Variants in NF2 observed in about 807,000 individuals in gnomAD.
NF2 encodes the protein NF2, moesin-ezrin-radixin like (MERLIN) tumor suppressor.
In NF2, 8 loss-of-function variants were observed where a neutral mutation model predicts 83.7. That is an observed-to-expected ratio of 0.10 (90% CI 0.06 to 0.17). The LOEUF is 0.17. NF2 is among the 10% of genes least tolerant of loss of function. NF2 has a pLI of 1.00. For missense variants in NF2, 533 were observed against 744.4 expected (o/e 0.72, Z 3.31); for synonymous variants, 266 against 269.6 (o/e 0.99, Z 0.13).
chr22:29,650,874 A>G lies in NF2; in HGVS notation c.448-3783A>G, dbSNP rs531471639. 1.4e-4 allele frequency among the ~76,000 whole-genome samples: 22 copies of G among 152,304 alleles called. No homozygotes were observed. The South Asian group carries it at 1.9e-3, about 13-fold the overall frequency. On this transcript the variant is annotated intron_variant, in intron 4 of 15. Coordinates refer to ENST00000338641, the MANE Select transcript of NF2 (RefSeq NM_000268.4). ...CGCCTCGGCCTCTCAAAGTGCTGGG[A>G]TTACAGGCATGAGCCACTGCACCCA... is the stretch of plus-strand genomic sequence containing the variant.
intron 15 of NF2, among the ~76,000 whole-genome samples, chr22:29,689,726 A>G (rs1477645665): frequency 2.6e-5 from 4 of 152,100 alleles, no homozygotes; most frequent in African/African-American, 9.7e-5. Flanking sequence ...GCTTAATTGT[A>G]CAGCTTCCTT....
intron 8 of NF2, among the ~76,000 whole-genome samples, chr22:29,661,895 G>A (rs1284647636): frequency 1.3e-5 from 2 of 152,100 alleles, no homozygotes; most frequent in African/African-American, 4.8e-5. Context: ...ACATATATGT[G>A]TTTTGTGTGT....
chr22:29,624,882 CTT>C (rs1314992909), intron 1 of NF2, among the ~76,000 whole-genome samples: 1 of 145,646 alleles, frequency 6.9e-6, no homozygotes, highest in Admixed American at 7.0e-5. Context: ...TTTCTCTCCT[CTT>C]TCTGTCTCTC....
chr22:29,635,070 G>T (rs774650362), intron 1 of NF2, among the ~76,000 whole-genome samples: 8 of 152,142 alleles, frequency 5.3e-5, no homozygotes, highest in Non-Finnish European at 1.0e-4. Flanking sequence ...ATGCATCTCA[G>T]CTACTTGTCT....
In NF2 at chr22:29,694,207, A is replaced by C. The variant is rs2067482761; in HGVS notation, c.1738-545A>C. ...CCTTCTCAGCTGCCACGTCATGAGC[A>C]AGTTTGCTTCGGGACCACCTGGGAA... is the stretch of plus-strand genomic sequence containing the variant. On this transcript the variant is annotated intron_variant, in intron 15 of 15. Coordinates refer to ENST00000338641, the MANE Select transcript of NF2 (RefSeq NM_000268.4). This position sits in a 1 kb window ranked among gnomAD's most constrained non-coding sequence, Gnocchi z 4.1. Among the ~76,000 whole-genome samples, 2 of 152,220 alleles carry C rather than the reference A, an allele frequency of 1.3e-5. No homozygotes were observed. Among genetic ancestry groups the C allele is most frequent in the Admixed American group, 1.3e-4 (2 of 15,288 alleles).
chr22:29,627,646 C>T (rs1349237509), intron 1 of NF2, among the ~76,000 whole-genome samples: 4 of 152,074 alleles, frequency 2.6e-5, no homozygotes, highest in Admixed American at 6.5e-5. Flanking sequence ...GGGTTCCTCC[C>T]GCTCCCATAA....
chr22:29,658,032 C>A (rs1283926920), intron 6 of NF2, among the ~76,000 whole-genome samples, 157 bp from the exon 7 acceptor site: 1 of 152,094 alleles, frequency 6.6e-6, no homozygotes, highest in African/African-American at 2.4e-5. Context: ...AGACTCAGGG[C>A]CGGGCAGAGC....
intron 1 of NF2, among the ~76,000 whole-genome samples, chr22:29,605,362 A>G (rs1023673763): frequency 2.0e-5 from 3 of 151,932 alleles, no homozygotes; most frequent in Admixed American, 2.0e-4. Context: ...ACAGGGTTTC[A>G]CCATATTGGG....
rs1354507562 is a variant in NF2 at position 29,696,106 on chromosome 22, C to G, written c.*1304C>G. The G allele has an allele frequency of 4.9e-6, 1 of 203,958 alleles. No homozygotes were observed. The highest frequency in any genetic ancestry group is 9.4e-6 in the Non-Finnish European group (1 of 106,070). The allele number at this position is 203,958 out of a possible 1,614,324, so 12.6% of individuals were successfully genotyped here. The stretch of plus-strand genomic sequence containing the variant: ...TTTTTTTTTCCGAGATGGAGTCTCT[C>G]TCTGTCACCCAGGTGGGAGTGTGGT... On this transcript the variant is annotated 3_prime_UTR_variant, in exon 16 of 16. Coordinates refer to ENST00000338641, the MANE Select transcript of NF2 (RefSeq NM_000268.4).
intron 8 of NF2, among the ~76,000 whole-genome samples, chr22:29,664,701 C>T (rs571014940): frequency 6.6e-6 from 1 of 152,292 alleles, no homozygotes; most frequent in South Asian, 2.1e-4. Context: ...CAGTGTTGGC[C>T]TCAGGGTTGG....
At chr22:29,638,148 A>T (rs550687460) in intron 2 of NF2, among the ~76,000 whole-genome samples, 50 of 152,292 alleles carry the variant, frequency 3.3e-4, no homozygotes, top group Non-Finnish European at 8.8e-5. Context: ...TGGAGAGCAG[A>T]TGGTTCAAGC....
intron 9 of NF2, among the ~76,000 whole-genome samples, chr22:29,666,880 G>A (rs2066639612): frequency 6.6e-6 from 1 of 152,086 alleles, no homozygotes; most frequent in East Asian, 1.9e-4. Flanking sequence ...AGGAGGCTGA[G>A]GCAGGAGATC....
chr22:29,610,892 C>T (rs940077802), intron 1 of NF2, among the ~76,000 whole-genome samples: 6 of 152,100 alleles, frequency 3.9e-5, no homozygotes, highest in African/African-American at 1.4e-4. Flanking sequence ...ACAAATATAT[C>T]TTACAAATGT....
Position 29,604,054 on chromosome 22 carries a change from C to G in NF2, c.56C>G (p.Pro19Arg), listed in dbSNP as rs1601515928. Residue 19 changes from proline to arginine, a missense_variant, in exon 1 of 16, where the codon CCC becomes CGC. By Grantham distance (103) the Pro-to-Arg change is moderately radical. This residue lies in a region of NF2 where 326 missense variants were observed against 475.1 expected (regional missense o/e 0.69). Transcript: ENST00000338641. Reference protein sequence around the residue: ...MSFSSLKRKQPKTFTVRIVTM... With the variant: ...MSFSSLKRKQRKTFTVRIVTM... ...TTCAGCTCTCTCAAGAGGAAGCAAC[C>G]CAAGACGTTCACCGTGAGGATCGTC... is the stretch of plus-strand genomic sequence containing the variant. The G allele has an allele frequency of 6.2e-7, 1 of 1,607,402 alleles. No homozygotes were observed. Among genetic ancestry groups the G allele is most frequent in the Non-Finnish European group, 8.5e-7 (1 of 1,177,082 alleles).
At chr22:29,691,469 C>A (rs938701652) in intron 15 of NF2, among the ~76,000 whole-genome samples, 2 of 152,188 alleles carry the variant, frequency 1.3e-5, no homozygotes, top group East Asian at 1.9e-4. Context: ...GCCTGCACAC[C>A]TTAGGGTATG....
At chr22:29,616,301 G>A (rs1307087795) in intron 1 of NF2, among the ~76,000 whole-genome samples, 2 of 151,934 alleles carry the variant, frequency 1.3e-5, no homozygotes, top group Non-Finnish European at 2.9e-5. Flanking sequence ...ACTTTAAATG[G>A]GTGAATTTTA....
At position 29,655,582 on chromosome 22, in the gene NF2, A is replaced by G. The variant is rs758674801; in HGVS notation, c.517-12A>G. 9 of 1,606,898 alleles carry G rather than the reference A, an allele frequency of 5.6e-6. No individual in the cohort carries two copies. The highest frequency in any genetic ancestry group is 1.7e-5 in the Admixed American group (1 of 59,994). On this transcript the variant is annotated splice_polypyrimidine_tract_variant and intron_variant, in intron 5 of 15. Coordinates refer to ENST00000338641, the MANE Select transcript of NF2 (RefSeq NM_000268.4). ...ATGTGTAGGTTTTTTATTTTGCTCT[A>G]TTTTTTGGTAGGTAATAAATCTGTA...
intron 1 of NF2, among the ~76,000 whole-genome samples, chr22:29,634,828 G>C (rs903986031): frequency 1.3e-5 from 2 of 152,158 alleles, no homozygotes; most frequent in African/African-American, 4.8e-5. Context: ...AAAGCTTTTT[G>C]TCCTATTGTC....
chr22:29,609,380 G>A (rs1436250362), intron 1 of NF2: 2 of 580,316 alleles, frequency 3.4e-6, no homozygotes. Context: ...TAGGTGTGCA[G>A]AGGCGAAGCT....
Sources: gnomAD v4.1 joint callset for allele counts (sites outside exome capture counted in the v4.1 genomes callset) on GRCh38, gnomAD v4.1.1 for gene constraint, gnomAD v4.1.1 regional missense constraint, Gnocchi (gnomAD v3.1) non-coding constraint, MANE v1.5 for transcripts, NCBI Gene and HGNC (gene_info 2026-07-23, HGNC 2026-07-21) for gene names.